MECOM: variants seen among roughly 807,000 people sequenced by gnomAD.
The protein encoded by MECOM is histone-lysine N-methyltransferase MECOM.
MECOM carries 13 observed loss-of-function variants against 116.3 expected under a neutral mutation model. That is an observed-to-expected ratio of 0.11 (90% CI 0.07 to 0.18). MECOM has a LOEUF of 0.18. MECOM is among the 10% of genes least tolerant of loss of function. MECOM has a pLI of 1.00. For missense variants in MECOM, 1,299 were observed against 1,509.0 expected (o/e 0.86, Z 2.31); for synonymous variants, 528 against 535.2 (o/e 0.99, Z 0.19).
chr3:169,388,365 C>T (rs568327646), intron 1 of MECOM, among the ~76,000 whole-genome samples: 12 of 152,278 alleles, frequency 7.9e-5, no homozygotes, highest in African/African-American at 2.9e-4. Flanking sequence ...AGTGAATAAA[C>T]ACGTGCTGGG....
chr3:169,186,323 A>G (rs376368509), intron 2 of MECOM, among the ~76,000 whole-genome samples: 12 of 134,216 alleles, frequency 8.9e-5, no homozygotes, highest in Non-Finnish European at 1.3e-4. Flanking sequence ...GAAGGAAGAA[A>G]GGAAGGAAGG....
At chr3:169,648,423 A>T (rs945576231) in intron 1 of MECOM, among the ~76,000 whole-genome samples, 10 of 152,232 alleles carry the variant, frequency 6.6e-5, no homozygotes, top group African/African-American at 1.2e-4. Context: ...AGGTCAAAAA[A>T]ATATATATGA....
intron 2 of MECOM, among the ~76,000 whole-genome samples, chr3:169,224,519 T>C (rs939045759): frequency 6.6e-6 from 1 of 152,184 alleles, no homozygotes; most frequent in Non-Finnish European, 1.5e-5. Flanking sequence ...AAAAGTACAG[T>C]GCTATCCTGA....
chr3:169,485,837 A>ATG (rs201308712), intron 1 of MECOM, among the ~76,000 whole-genome samples: 12 of 140,342 alleles, frequency 8.6e-5, no homozygotes, highest in Non-Finnish European at 1.2e-4. Flanking sequence ...ATGTATATAT[A>ATG]TGTGTGTGTG....
chr3:169,192,339 A>G (rs1436594862), intron 2 of MECOM, among the ~76,000 whole-genome samples: 3 of 152,070 alleles, frequency 2.0e-5, no homozygotes, highest in African/African-American at 7.2e-5. Context: ...AACATCATTC[A>G]GACATAACCA....
Position 169,369,342 on chromosome 3 carries a change from C to CTTTTTTTTT in MECOM, c.375+11836_375+11844dup, listed in dbSNP as rs10661629. ...AAATGTCTATAAACTTGATTGCAGCCTTTTTTTTTTTTTTTTTTTTTTGAG... is the reference window on the plus strand; with the variant it reads ...AAATGTCTATAAACTTGATTGCAGCCTTTTTTTTTTTTTTTTTTTTTTTTTTTTTTTGAG... On this transcript the variant is annotated intron_variant, in intron 2 of 16. Coordinates refer to ENST00000651503, the MANE Select transcript of MECOM (RefSeq NM_004991.4). Among the ~76,000 whole-genome samples, 34 of 86,972 alleles carry CTTTTTTTTT rather than the reference C, an allele frequency of 3.9e-4. 1 individual carries two copies. Among genetic ancestry groups the CTTTTTTTTT allele is most frequent in the East Asian group, 1.3e-3 (3 of 2,390 alleles). The allele number at this position is 86,972 out of a possible 152,430, so 57.1% of individuals were successfully genotyped here.
chr3:169,267,845 AT>A (rs1758500741), intron 2 of MECOM, among the ~76,000 whole-genome samples: 1 of 152,112 alleles, frequency 6.6e-6, no homozygotes, highest in South Asian at 2.1e-4. Flanking sequence ...CACAATCCTC[AT>A]GATCCAGAGA....
At chr3:169,179,449 G>A (rs1176457879) in intron 2 of MECOM, among the ~76,000 whole-genome samples, 7 of 115,908 alleles carry the variant, frequency 6.0e-5, no homozygotes, top group East Asian at 2.6e-4. Context: ...GCTGCGGAAT[G>A]TTTGCCTAAG....
chr3:169,541,000 C>A (rs759612921), intron 1 of MECOM, among the ~76,000 whole-genome samples: 3 of 152,182 alleles, frequency 2.0e-5, no homozygotes, highest in Admixed American at 2.0e-4. Flanking sequence ...CATCTTCTTC[C>A]AGTGCATATC....
intron 1 of MECOM, among the ~76,000 whole-genome samples, chr3:169,472,662 GGAAAGGAA>G (rs1749715944): frequency 9.3e-6 from 1 of 107,244 alleles, no homozygotes; most frequent in Non-Finnish European, 1.8e-5. Flanking sequence ...AGAAAAGAAA[GGAAAGGAA>G]AGGAGAGGAG....
intron 1 of MECOM, among the ~76,000 whole-genome samples, chr3:169,435,450 C>A (rs925024928): frequency 6.6e-6 from 1 of 152,018 alleles, no homozygotes; most frequent in Non-Finnish European, 1.5e-5. Flanking sequence ...GTGACAAAAG[C>A]CTTAATGTTT....
rs1752707031 is a variant in MECOM, at chr3:169,226,204, AT to A, written c.376-82373del. On this transcript the variant is annotated intron_variant, in intron 2 of 16. Transcript: ENST00000651503. The stretch of plus-strand genomic sequence containing the variant: ...GCTGGTGCAAAGAGGTAAAATAAAT[AT>A]TATGGGTAACCCTGGATGCATTAAA... Among the ~76,000 whole-genome samples the A allele has an allele frequency of 2.0e-5, 3 of 152,188 alleles. No individual in the cohort carries two copies. The South Asian group carries it at 6.2e-4, about 32-fold the overall frequency.
chr3:169,280,698 A>G (rs192080114), intron 2 of MECOM, among the ~76,000 whole-genome samples: 3 of 152,322 alleles, frequency 2.0e-5, no homozygotes, highest in Non-Finnish European at 4.4e-5. Flanking sequence ...CAAAAACTGC[A>G]TTTGATCATA....
chr3:169,507,572 G>A (rs1238631527), intron 1 of MECOM, among the ~76,000 whole-genome samples: 1 of 150,782 alleles, frequency 6.6e-6, no homozygotes, highest in African/African-American at 2.4e-5. Context: ...TTTTCCCCTG[G>A]CTTCATTTAT....
At chr3:169,215,312 C>A (rs1189426383) in intron 2 of MECOM, among the ~76,000 whole-genome samples, 1 of 149,588 alleles carries the variant, frequency 6.7e-6, no homozygotes, top group East Asian at 2.0e-4. Context: ...TAAAACCGAC[C>A]TTGGACAAGA....
At chr3:169,521,790 A>G (rs4361323) in intron 1 of MECOM, among the ~76,000 whole-genome samples, 70,041 of 152,024 alleles carry the variant, frequency 0.46, 16,685 homozygotes, top group African/African-American at 0.6. Flanking sequence ...TCGGCTATTC[A>G]TATCCGTGGG....
At chr3:169,639,047 A>C (rs1476963234) in intron 1 of MECOM, among the ~76,000 whole-genome samples, 1 of 152,164 alleles carries the variant, frequency 6.6e-6, no homozygotes, top group Non-Finnish European at 1.5e-5. Flanking sequence ...AAGAGTGCTA[A>C]GATACTGAAT....
intron 1 of MECOM, among the ~76,000 whole-genome samples, chr3:169,437,771 AC>A (rs1205798931): frequency 6.6e-6 from 1 of 152,178 alleles, no homozygotes; most frequent in African/African-American, 2.4e-5. Context: ...AGAGTTCAAC[AC>A]TTAGATTAGA....
chr3:169,647,563 AT>A (rs1332934694), intron 1 of MECOM, among the ~76,000 whole-genome samples: 1 of 152,212 alleles, frequency 6.6e-6, no homozygotes, highest in Non-Finnish European at 1.5e-5. Context: ...CCAAAAAAAA[AT>A]ATGCATCTGG....
Sources: gnomAD v4.1 joint callset for allele counts (sites outside exome capture counted in the v4.1 genomes callset) on GRCh38, gnomAD v4.1.1 for gene constraint, MANE v1.5 for transcripts, NCBI Gene and HGNC (gene_info 2026-07-23, HGNC 2026-07-21) for gene names.